VWA8: variants seen among roughly 807,000 people sequenced by gnomAD.
VWA8 encodes von Willebrand factor A domain containing 8, also known as von Willebrand factor A domain-containing protein 8.
In VWA8, 221 loss-of-function variants were observed where a neutral mutation model predicts 241.5. That is an observed-to-expected ratio of 0.91 (90% CI 0.82 to 1.02). The LOEUF (loss-of-function observed/expected upper bound fraction) is 1.02, where lower values mean the gene tolerates loss of function less well. VWA8 is among the 50% of genes least tolerant of loss of function. The pLI, the probability that VWA8 is intolerant of heterozygous loss-of-function variation, is 0.00. For missense variants in VWA8, 2,322 were observed against 2,328.7 expected (o/e 1.00, Z 0.06); for synonymous variants, 852 against 827.1 (o/e 1.03, Z -0.52).
At chr13:41,593,217 G>T (rs2044467629) in intron 40 of VWA8, among the ~76,000 whole-genome samples, 1 of 152,218 alleles carries the variant, frequency 6.6e-6, no homozygotes, top group South Asian at 2.1e-4. Context: ...TGGAAACAGG[G>T]GCAAAATTAC....
At chr13:41,910,603 A>C (rs1467721695) in intron 3 of VWA8, among the ~76,000 whole-genome samples, 1 of 151,542 alleles carries the variant, frequency 6.6e-6, no homozygotes, top group Non-Finnish European at 1.5e-5. Flanking sequence ...AAAAAAAAAA[A>C]ACAACAACAA....
intron 29 of VWA8, among the ~76,000 whole-genome samples, chr13:41,697,511 G>A (rs2045222764): frequency 6.6e-6 from 1 of 152,200 alleles, no homozygotes; most frequent in South Asian, 2.1e-4. Context: ...ACTGACTGGG[G>A]AGGTGGGGTG....
intron 2 of VWA8, among the ~76,000 whole-genome samples, chr13:41,940,770 T>C (rs1486514844): frequency 4.6e-5 from 7 of 152,188 alleles, no homozygotes; most frequent in Non-Finnish European, 8.8e-5. Context: ...ATGGACACAG[T>C]TGCTCATAAG....
rs189961594 is a variant in VWA8, at chr13:41,702,168, C to A, written c.3226-638G>T. 4.1e-4 allele frequency among the ~76,000 whole-genome samples: 62 copies of A among 152,260 alleles called. 1 individual carries two copies. The East Asian group carries it at 6.4e-3, about 16-fold the overall frequency. On this transcript the variant is annotated intron_variant, in intron 27 of 44. Coordinates refer to ENST00000379310, the MANE Select transcript of VWA8 (RefSeq NM_015058.2). ...AGTTCTGGGTACTTAGATATGACTT[C>A]TTGAAAGAATGCTATAAATGTAAGC...
chr13:41,903,398 T>C (rs1875549847), intron 4 of VWA8, among the ~76,000 whole-genome samples: 1 of 152,138 alleles, frequency 6.6e-6, no homozygotes, highest in African/African-American at 2.4e-5. Flanking sequence ...GATAGACAGT[T>C]ATATTCTAGC....
chr13:41,904,542 A>T (rs770467306), intron 4 of VWA8, among the ~76,000 whole-genome samples: 4 of 152,080 alleles, frequency 2.6e-5, no homozygotes, highest in African/African-American at 9.7e-5. Flanking sequence ...AACCTTGTCA[A>T]TTGGGGGTGG....
intron 20 of VWA8, among the ~76,000 whole-genome samples, chr13:41,769,317 C>A (rs1302449828): frequency 1.3e-5 from 2 of 152,000 alleles, no homozygotes; most frequent in East Asian, 3.9e-4. Context: ...CACATTAGAG[C>A]TAAATGGTGA....
Position 41,770,317 on chromosome 13 carries a change from T to A in VWA8, c.2349+7668A>T, listed in dbSNP as rs192465321. Among the ~76,000 whole-genome samples the A allele has an allele frequency of 4.5e-4, 69 of 151,946 alleles. 1 individual carries two copies. The East Asian group carries it at 0.012, about 26-fold the overall frequency. On this transcript the variant is annotated intron_variant, in intron 20 of 44. Transcript: ENST00000379310. ...TTAGCCAGGCGCGGTGGCGGGCGCC[T>A]GTAGTCCCAGCTACTCGGGAGGCTT...
At chr13:41,883,896 A>T (rs1874386848) in intron 8 of VWA8, among the ~76,000 whole-genome samples, 1 of 152,172 alleles carries the variant, frequency 6.6e-6, no homozygotes, top group South Asian at 2.1e-4. Context: ...TCCTAAGTTA[A>T]TCTCATCCAC....
At chr13:41,731,763 G>A (rs185862103) in intron 22 of VWA8, among the ~76,000 whole-genome samples, 54 of 152,152 alleles carry the variant, frequency 3.5e-4, no homozygotes, top group African/African-American at 1.3e-3. Flanking sequence ...CTGTTCTTGT[G>A]GTAATGAATA....
At chr13:41,892,322 T>C (rs1874884839) in intron 4 of VWA8, among the ~76,000 whole-genome samples, 1 of 152,138 alleles carries the variant, frequency 6.6e-6, no homozygotes, top group Admixed American at 6.5e-5. Context: ...AAATCCTTCA[T>C]GTTCTGCTAA....
chr13:41,714,579 T>C (rs2045337002), intron 26 of VWA8, among the ~76,000 whole-genome samples: 1 of 152,008 alleles, frequency 6.6e-6, no homozygotes, highest in South Asian at 2.1e-4. Flanking sequence ...TGATGGCTAG[T>C]ATACTTCTTA....
intron 37 of VWA8, among the ~76,000 whole-genome samples, chr13:41,626,212 C>A (rs1363106453): frequency 6.6e-6 from 1 of 151,876 alleles, no homozygotes; most frequent in Non-Finnish European, 1.5e-5. Context: ...TGCGCATGTA[C>A]CCTAAAACTT....
intron 17 of VWA8, among the ~76,000 whole-genome samples, chr13:41,799,623 T>C (rs1264195260): frequency 1.3e-5 from 2 of 152,180 alleles, no homozygotes; most frequent in Non-Finnish European, 2.9e-5. Flanking sequence ...GCCACGTCCG[T>C]TGTCCCCAAA....
rs755243649 is a variant in VWA8, at chr13:41,816,766, C to T, written c.1879G>A (p.Val627Ile). ...IQVIKEKVPN[V>I]PQEALDKLLS... The stretch of plus-strand genomic sequence containing the variant: ...AACTTATCCAGAGCTTCCTGAGGTA[C>T]ATTTGGGACCTATTTTTTGAAAGAG... The change falls in exon 16 of 45, where the codon GTA becomes ATA. Residue 627 changes from valine to isoleucine, a missense_variant. Physicochemically the swap from Val to Ile is conservative, Grantham distance 29. Coordinates refer to ENST00000379310, the MANE Select transcript of VWA8 (RefSeq NM_015058.2). 2.5e-6 allele frequency: 4 copies of T among 1,612,384 alleles called. No individual in the cohort carries two copies. The highest frequency in any genetic ancestry group is 1.3e-5 in the African/African-American group (1 of 74,820).
chr13:41,574,898 C>T (rs2044341118), intron 43 of VWA8, among the ~76,000 whole-genome samples: 2 of 152,112 alleles, frequency 1.3e-5, no homozygotes, highest in African/African-American at 4.8e-5. Flanking sequence ...CCAGTAATCC[C>T]ATTAATAGGT....
chr13:41,806,876 CA>C (rs78099965), intron 17 of VWA8, among the ~76,000 whole-genome samples: 11,128 of 93,496 alleles, frequency 0.12, 497 homozygotes, highest in African/African-American at 0.22. Flanking sequence ...GACTCCATCT[CA>C]AAAAAAAAAA....
chr13:41,600,770 T>G lies in VWA8; in HGVS notation c.4986+4398A>C, dbSNP rs147357620. Reference sequence around the variant, plus strand: ...CCTCTTCCTGTGTCTCTTTCTGTCCTCCAGGGCTTGAAAACCTCCCATTTC... The same window carrying G: ...CCTCTTCCTGTGTCTCTTTCTGTCCGCCAGGGCTTGAAAACCTCCCATTTC... On this transcript the variant is annotated intron_variant, in intron 40 of 44. Transcript: ENST00000379310. Among the ~76,000 whole-genome samples, 98 of 152,214 alleles carry G rather than the reference T, an allele frequency of 6.4e-4. 1 individual carries two copies. The South Asian group carries it at 0.015, about 23-fold the overall frequency.
intron 40 of VWA8, among the ~76,000 whole-genome samples, chr13:41,594,534 C>G (rs2044476018): frequency 6.6e-6 from 1 of 152,016 alleles, no homozygotes; most frequent in Admixed American, 6.6e-5. Context: ...CTACTGTCCT[C>G]TTTATTTTGG....
Sources: gnomAD v4.1 joint callset for allele counts (sites outside exome capture counted in the v4.1 genomes callset) on GRCh38, gnomAD v4.1.1 for gene constraint, MANE v1.5 for transcripts, NCBI Gene and HGNC (gene_info 2026-07-23, HGNC 2026-07-21) for gene names.